The following SGCZ variants were observed in gnomAD, a reference collection of about 807,000 sequenced individuals.
SGCZ encodes sarcoglycan zeta.
A neutral mutation model predicts 41.3 loss-of-function variants in SGCZ; 40 were observed. The ratio of observed to expected loss-of-function variants is 0.97; its 90% CI spans 0.75 to 1.26. The LOEUF is 1.26. SGCZ is among the 50% of genes most tolerant of loss of function. The pLI is 0.00. For missense variants in SGCZ, 552 were observed against 369.8 expected, an observed-to-expected ratio of 1.49 and a Z score of -4.04; for synonymous variants, 206 against 137.5, an observed-to-expected ratio of 1.50 and a Z score of -3.49.
intron 1 of SGCZ, among the ~76,000 whole-genome samples, chr8:14,812,669 G>A (rs138034645): frequency 3.9e-5 from 6 of 152,098 alleles, no homozygotes; most frequent in South Asian, 2.1e-4. Context: ...TAATTCTTGC[G>A]CATTATAACT....
chr8:14,919,811 G>A (rs758317145), intron 1 of SGCZ, among the ~76,000 whole-genome samples: 15 of 151,888 alleles, frequency 9.9e-5, no homozygotes, highest in Admixed American at 2.6e-4. Flanking sequence ...CCAGCTACTC[G>A]GGAAACTGGG....
At chr8:14,730,437 G>GT (rs1274376004) in intron 1 of SGCZ, among the ~76,000 whole-genome samples, 1 of 150,514 alleles carries the variant, frequency 6.6e-6, no homozygotes, top group Non-Finnish European at 1.5e-5. Context: ...ACCTGCTCTT[G>GT]TATGTTCTAT....
intron 1 of SGCZ, among the ~76,000 whole-genome samples, chr8:14,608,633 G>A (rs980806210): frequency 2.5e-5 from 2 of 80,576 alleles, no homozygotes; most frequent in Non-Finnish European, 4.8e-5. Flanking sequence ...CTTTCTCAAT[G>A]GTCATCGACA....
intron 1 of SGCZ, among the ~76,000 whole-genome samples, chr8:14,894,906 C>A (rs1252210396): frequency 2.6e-5 from 4 of 152,144 alleles, no homozygotes; most frequent in East Asian, 1.9e-4. Context: ...TGAAGGAAAA[C>A]TATATTAAAA....
chr8:14,832,943 A>G (rs974003511), intron 1 of SGCZ, among the ~76,000 whole-genome samples: 4 of 152,096 alleles, frequency 2.6e-5, no homozygotes, highest in African/African-American at 7.2e-5. Flanking sequence ...TCATAATTCA[A>G]TTACCATGAA....
At chr8:14,320,250 T>C (rs1221724840) in intron 3 of SGCZ, among the ~76,000 whole-genome samples, 3 of 151,572 alleles carry the variant, frequency 2.0e-5, no homozygotes, top group African/African-American at 7.3e-5. Context: ...ACCATGATAA[T>C]ACAATGATTA....
At chr8:14,510,206 C>A (rs903816634) in intron 2 of SGCZ, among the ~76,000 whole-genome samples, 2 of 152,044 alleles carry the variant, frequency 1.3e-5, no homozygotes, top group African/African-American at 2.4e-5. Flanking sequence ...TTAAAAAATT[C>A]TCCTTTATTT....
chr8:15,058,109 G>C (rs907991129), intron 1 of SGCZ, among the ~76,000 whole-genome samples: 2 of 152,154 alleles, frequency 1.3e-5, no homozygotes, highest in Non-Finnish European at 2.9e-5. Context: ...CAAGTAGATG[G>C]AGCTATCACA....
intron 3 of SGCZ, among the ~76,000 whole-genome samples, chr8:14,245,354 C>T (rs930486035): frequency 1.3e-5 from 2 of 152,164 alleles, no homozygotes; most frequent in Non-Finnish European, 2.9e-5. Flanking sequence ...AAAGGATTCC[C>T]TATTTAATAA....
intron 1 of SGCZ, among the ~76,000 whole-genome samples, chr8:14,973,801 T>G (rs987163632): frequency 6.6e-6 from 1 of 152,224 alleles, no homozygotes; most frequent in African/African-American, 2.4e-5. Flanking sequence ...GCCTGTGAAT[T>G]CTGAATGTCT....
At chr8:14,762,270 T>C (rs1367220789) in intron 1 of SGCZ, among the ~76,000 whole-genome samples, 3 of 152,226 alleles carry the variant, frequency 2.0e-5, no homozygotes, top group Admixed American at 2.0e-4. Flanking sequence ...GAACCTCAAA[T>C]CTCCATGGAC....
At chr8:14,111,503 AT>A (rs1211222703) in intron 5 of SGCZ, among the ~76,000 whole-genome samples, 4 of 152,180 alleles carry the variant, frequency 2.6e-5, no homozygotes, top group African/African-American at 9.6e-5. Flanking sequence ...ACACATATTA[AT>A]ATGTATATGT....
chr8:14,810,271 A>G (rs1801700146), intron 1 of SGCZ, among the ~76,000 whole-genome samples: 1 of 152,084 alleles, frequency 6.6e-6, no homozygotes, highest in African/African-American at 2.4e-5. Context: ...AAGAAGTTTT[A>G]GAACTTTAAA....
At chr8:15,160,145 A>C (rs1484466221) in intron 1 of SGCZ, among the ~76,000 whole-genome samples, 1 of 152,144 alleles carries the variant, frequency 6.6e-6, no homozygotes, top group Non-Finnish European at 1.5e-5. Context: ...TGTAAAACTG[A>C]AACTCTGTAT....
intron 3 of SGCZ, among the ~76,000 whole-genome samples, chr8:14,261,466 T>A (rs576149898): frequency 6.6e-6 from 1 of 152,274 alleles, no homozygotes; most frequent in Non-Finnish European, 1.5e-5. Context: ...ATATCACCAA[T>A]ATTGTTCTTC....
chr8:14,728,792 G>A (rs13252608), intron 1 of SGCZ, among the ~76,000 whole-genome samples: 44,984 of 152,062 alleles, frequency 0.3, 7,083 homozygotes, highest in East Asian at 0.42. Context: ...GTCACTAGGG[G>A]ACACAATGAA....
chr8:15,152,874 A>T (rs1424740940), intron 1 of SGCZ, among the ~76,000 whole-genome samples: 1 of 152,170 alleles, frequency 6.6e-6, no homozygotes, highest in Admixed American at 6.5e-5. Context: ...TGATTCCCAG[A>T]CCAAGAAAGT....
At chr8:14,826,936 T>C (rs1232128646) in intron 1 of SGCZ, among the ~76,000 whole-genome samples, 2 of 152,164 alleles carry the variant, frequency 1.3e-5, no homozygotes, top group Non-Finnish European at 2.9e-5. Flanking sequence ...CTCTTTAGTT[T>C]AATTAGATCC....
chr8:14,532,464 C>G (rs1803162360), intron 2 of SGCZ, among the ~76,000 whole-genome samples: 1 of 151,852 alleles, frequency 6.6e-6, no homozygotes, highest in South Asian at 2.1e-4. Context: ...GAGACAGACA[C>G]TGAAATGACT....
Sources: allele counts gnomAD v4.1 joint callset (sites outside exome capture counted in the v4.1 genomes callset), GRCh38; gene constraint gnomAD v4.1.1; transcripts MANE v1.5; gene names NCBI Gene and HGNC (gene_info 2026-07-23, HGNC 2026-07-21).